The following ZNF680 variants were observed in gnomAD, a reference collection of about 807,000 sequenced individuals.
ZNF680 encodes zinc finger protein 680.
Under a neutral mutation model 12.1 loss-of-function variants are expected in ZNF680, and 6 were observed. That is an observed-to-expected ratio of 0.49 (90% CI 0.27 to 0.98). The LOEUF (loss-of-function observed/expected upper bound fraction) is 0.98. Ranked by LOEUF, ZNF680 falls within the 50% of genes least tolerant of loss-of-function variation. The probability of loss-of-function intolerance (pLI) is 0.12; values close to 1 mark genes in which losing one functional copy is unlikely to be tolerated. For missense variants in ZNF680, 561 were observed against 616.3 expected, an observed-to-expected ratio of 0.91 and a Z score of 0.95; for synonymous variants, 170 against 199.3, an observed-to-expected ratio of 0.85 and a Z score of 1.24.
chr7:64,553,492 A>G (rs1362790267), intron 1 of ZNF680, among the ~76,000 whole-genome samples: 2 of 152,184 alleles, frequency 1.3e-5, no homozygotes, highest in Non-Finnish European at 2.9e-5. Context: ...TTCAGTAGAC[A>G]CTGGATTCAG....
At chr7:64,500,856 C>A in the ZNF680 span, 1 of 501,142 alleles carries the variant, frequency 2.0e-6, no homozygotes. Flanking sequence ...AGAACAGATC[C>A]TCGCTCCATG....
chr7:64,515,030 CA>C (rs2116332201), downstream of ZNF680, among the ~76,000 whole-genome samples: 1 of 143,388 alleles, frequency 7.0e-6, no homozygotes, highest in East Asian at 2.0e-4. Context: ...GCAACAAGAG[CA>C]AAACTCTGTC....
the ZNF680 span, among the ~76,000 whole-genome samples, chr7:64,510,700 G>A: frequency 7.0e-6 from 1 of 142,650 alleles, no homozygotes; most frequent in Non-Finnish European, 1.5e-5. Context: ...CACGAGGTCA[G>A]GAGATCGAGA....
downstream of ZNF680, among the ~76,000 whole-genome samples, chr7:64,519,284 A>G (rs1322097516): frequency 1.3e-5 from 2 of 151,970 alleles, no homozygotes; most frequent in South Asian, 2.1e-4. Context: ...GAAAATCACA[A>G]TATGATACCA....
At chr7:64,552,585 G>A (rs545209163) in intron 1 of ZNF680, among the ~76,000 whole-genome samples, 1 of 152,200 alleles carries the variant, frequency 6.6e-6, no homozygotes, top group East Asian at 1.9e-4. Flanking sequence ...TGTAAGACTA[G>A]TATCTACTGT....
chr7:64,558,636 G>A (rs1396146148), intron 1 of ZNF680, among the ~76,000 whole-genome samples: 1 of 152,134 alleles, frequency 6.6e-6, no homozygotes, highest in Admixed American at 6.6e-5. Context: ...GGGTCTTACT[G>A]AAGATGAAGT....
chr7:64,514,408 G>A, the ZNF680 span, among the ~76,000 whole-genome samples: 1 of 152,086 alleles, frequency 6.6e-6, no homozygotes, highest in Non-Finnish European at 1.5e-5. Flanking sequence ...GCTGCTAACT[G>A]TAACCACCCT....
At chr7:64,558,109 CTTGT>C (rs1287543863) in intron 1 of ZNF680, among the ~76,000 whole-genome samples, 2 of 152,108 alleles carry the variant, frequency 1.3e-5, no homozygotes, top group East Asian at 3.9e-4. Flanking sequence ...TGGGGCTGTA[CTTGT>C]TTATTTCTGT....
chr7:64,526,988 T>C (rs902899169), intron 3 of ZNF680, among the ~76,000 whole-genome samples: 2 of 152,162 alleles, frequency 1.3e-5, no homozygotes, highest in African/African-American at 4.8e-5. Flanking sequence ...CTGTAATCCC[T>C]GCATTTTGGG....
At chr7:64,543,836 C>A (rs1326853857) in intron 2 of ZNF680, 34 bp from the exon 3 acceptor site, 3 of 1,577,664 alleles carry the variant, frequency 1.9e-6, no homozygotes, top group Non-Finnish European at 1.7e-6. Flanking sequence ...ATGAATCTTG[C>A]TCATATTCTC....
intron 2 of ZNF680, 66 bp from the exon 3 acceptor site, chr7:64,543,868 G>C (rs1375587370): frequency 7.5e-7 from 1 of 1,333,814 alleles, no homozygotes; most frequent in East Asian, 2.3e-5. Context: ...CTACTAATGT[G>C]CTCAGTAAAG....
chr7:64,541,905 C>T (rs535000337), intron 3 of ZNF680, among the ~76,000 whole-genome samples: 8 of 152,238 alleles, frequency 5.3e-5, no homozygotes, highest in African/African-American at 1.7e-4. Flanking sequence ...CCACAGTTCA[C>T]GGCCAGTTCT....
the ZNF680 span, chr7:64,501,101 GA>G: frequency 1.1e-5 from 11 of 969,970 alleles, no homozygotes; most frequent in Non-Finnish European, 1.6e-5. Flanking sequence ...GTGAACGGAG[GA>G]AAAGCAGGTG....
intron 3 of ZNF680, among the ~76,000 whole-genome samples, chr7:64,534,791 G>A (rs1786071002): frequency 6.6e-6 from 1 of 152,152 alleles, no homozygotes; most frequent in Non-Finnish European, 1.5e-5. Flanking sequence ...ATGGGATAAA[G>A]AAACTGTGGT....
chr7:64,544,514 G>A, intron 1 of ZNF680, 82 bp from the exon 2 acceptor site: 1 of 1,536,976 alleles, frequency 6.5e-7, no homozygotes, highest in South Asian at 1.2e-5. Flanking sequence ...TTTTATTTTG[G>A]CTCAAGGCAA....
chr7:64,515,677 A>G (rs922752513), downstream of ZNF680, among the ~76,000 whole-genome samples: 3 of 152,216 alleles, frequency 2.0e-5, no homozygotes, highest in Admixed American at 6.5e-5. Context: ...GCCTATTTAC[A>G]TAAAAACTTG....
chr7:64,519,751 G>A (rs1437445556), downstream of ZNF680: 3 of 151,684 alleles, frequency 2.0e-5, 1 homozygote, highest in African/African-American at 7.3e-5. Context: ...AAATAAGCCA[G>A]GCACAGAAAG....
intron 3 of ZNF680, among the ~76,000 whole-genome samples, chr7:64,538,445 T>C (rs1402610962): frequency 6.7e-6 from 1 of 148,958 alleles, no homozygotes; most frequent in Non-Finnish European, 1.5e-5. Flanking sequence ...AACTTAGAAG[T>C]GGACAAATAA....
At chr7:64,532,553 G>T (rs542271683) in intron 3 of ZNF680, among the ~76,000 whole-genome samples, 1 of 150,716 alleles carries the variant, frequency 6.6e-6, no homozygotes, top group East Asian at 1.9e-4. Context: ...AACAAAAAAA[G>T]TCCAAGACCA....
Sources: gnomAD v4.1 joint callset for allele counts (sites outside exome capture counted in the v4.1 genomes callset) on GRCh38, gnomAD v4.1.1 for gene constraint, MANE v1.5 for transcripts, NCBI Gene and HGNC (gene_info 2026-07-23, HGNC 2026-07-21) for gene names.